Variants in DDX25 observed in about 807,000 individuals in gnomAD.
The protein encoded by DDX25 is ATP-dependent RNA helicase DDX25.
DDX25 carries 70 observed loss-of-function variants against 64.6 expected under a neutral mutation model. The ratio of observed to expected loss-of-function variants is 1.08; its 90% confidence interval spans 0.89 to 1.32. The LOEUF (loss-of-function observed/expected upper bound fraction) is 1.32, where lower values mean the gene tolerates loss of function less well. Among genes scored for constraint, DDX25 ranks in the 40% most tolerant of loss-of-function variants. The pLI, the probability that DDX25 is intolerant of heterozygous loss-of-function variation, is 0.00. For missense variants in DDX25, 587 were observed against 604.4 expected, an observed-to-expected ratio of 0.97 and a Z score of 0.30; for synonymous variants, 211 against 213.3, an observed-to-expected ratio of 0.99 and a Z score of 0.09.
In DDX25 at chr11:125,921,697, T is replaced by C. The variant is rs1312172215; in HGVS notation, c.1390+318T>C. ...TGAGGTCAGGAAATCCAGACCATCC[T>C]GGCCAACATGGTAAAACCCCATCTC... On this transcript the variant is annotated intron_variant, in intron 11 of 11. Transcript: ENST00000263576. This position sits in a 1 kb window ranked among gnomAD's most constrained non-coding sequence, Gnocchi z 4.1. The C allele has an allele frequency of 4.5e-6, 1 of 221,196 alleles. No individual in the cohort carries two copies. Among genetic ancestry groups the C allele is most frequent in the Non-Finnish European group, 9.1e-6 (1 of 109,812 alleles). The allele number at this position is 221,196 out of a possible 1,614,324, so 13.7% of individuals were successfully genotyped here.
chr11:125,906,056 T>A lies in DDX25; in HGVS notation c.176-18T>A, dbSNP rs775249720. The A allele has an allele frequency of 1.3e-6, 2 of 1,526,750 alleles. No homozygotes were observed. Among genetic ancestry groups the A allele is most frequent in the South Asian group, 2.5e-5 (2 of 78,916 alleles). 94.6% of individuals were successfully genotyped at this position (1,526,750 alleles called of 1,614,324 possible). A position where few individuals can be genotyped will look rare whatever the true frequency, so the allele number is the denominator to read the frequency against. On this transcript the variant is annotated intron_variant, in intron 3 of 11. Transcript: ENST00000263576. ...TTCAGGAAGCTTGATGTCCTCTTTTTTATTTTTGCTTTTCTAGTGGATTTG... is the reference window on the plus strand; with the variant it reads ...TTCAGGAAGCTTGATGTCCTCTTTTATATTTTTGCTTTTCTAGTGGATTTG...
chr11:125,907,412 T>G (rs555725232), intron 4 of DDX25, among the ~76,000 whole-genome samples: 10 of 152,136 alleles, frequency 6.6e-5, no homozygotes, highest in African/African-American at 2.2e-4. Flanking sequence ...ATCGAGACCA[T>G]CCTGGCTAAC....
At position 125,921,519 on chromosome 11, in the gene DDX25, G is replaced by A; in HGVS notation, c.1390+140G>A. ...GAGCTGGAAGGCTTCTAATTCACAG[G>A]ACCAGGGTTCTAATATGAGACAGAT... On this transcript the variant is annotated intron_variant, in intron 11 of 11. Coordinates refer to ENST00000263576, the MANE Select transcript of DDX25 (RefSeq NM_013264.5). This position sits in a 1 kb window ranked among gnomAD's most constrained non-coding sequence, Gnocchi z 4.1. 2 of 900,118 alleles carry A rather than the reference G, an allele frequency of 2.2e-6. No individual in the cohort carries two copies. The highest frequency in any genetic ancestry group is 3.3e-6 in the Non-Finnish European group (2 of 612,112). 55.8% of individuals were successfully genotyped at this position (900,118 alleles called of 1,614,324 possible).
chr11:125,908,940 A>C (rs1438000559), intron 6 of DDX25, among the ~76,000 whole-genome samples: 1 of 152,256 alleles, frequency 6.6e-6, no homozygotes, highest in East Asian at 1.9e-4. Context: ...AGTGCCTGGC[A>C]TAAATTAAGC....
At chr11:125,922,027 T>G (rs1297457663) in intron 11 of DDX25, 3 of 152,256 alleles carry the variant, frequency 2.0e-5, no homozygotes, top group Non-Finnish European at 2.9e-5. Context: ...AGTAGTAACA[T>G]CCTTTAAGAT....
At chr11:125,907,618 A>C (rs1296823064) in intron 4 of DDX25, among the ~76,000 whole-genome samples, 3 of 152,042 alleles carry the variant, frequency 2.0e-5, no homozygotes, top group African/African-American at 7.2e-5. Flanking sequence ...AAAAAAAAAA[A>C]AGTTGAAGTG....
rs753704484 is a variant in DDX25, at chr11:125,921,298, C to T, written c.1309C>T (p.Arg437Cys). 1.8e-5 allele frequency: 29 copies of T among 1,613,448 alleles called. No individual in the cohort carries two copies. The highest frequency in any genetic ancestry group is 1.7e-5 in the Non-Finnish European group (20 of 1,179,754). The change falls in exon 11 of 12, where the codon CGC becomes TGC. Residue 437 changes from arginine (R) to cysteine (C), a missense_variant. Coordinates refer to ENST00000263576, the MANE Select transcript of DDX25 (RefSeq NM_013264.5). The surrounding 1 kb of genome is among the most constrained non-coding windows in gnomAD (Gnocchi z 4.1). Reference protein sequence around the residue: ...TYLHRIGRTGRFGKKGLAFNM... With the variant: ...TYLHRIGRTGCFGKKGLAFNM... Reference sequence around the variant, plus strand: ...CCTCCACCGCATAGGGCGGACGGGGCGCTTTGGGAAAAAAGGCCTTGCCTT... The same window carrying T: ...CCTCCACCGCATAGGGCGGACGGGGTGCTTTGGGAAAAAAGGCCTTGCCTT...
At chr11:125,918,884 C>G in intron 10 of DDX25, 94 bp downstream of exon 10, 2 of 1,352,130 alleles carry the variant, frequency 1.5e-6, no homozygotes, top group East Asian at 5.2e-5. Context: ...GACAAACATG[C>G]AATCATGCAG....
At chr11:125,904,852 C>T (rs947473300) in intron 1 of DDX25, 1 of 565,272 alleles carries the variant, frequency 1.8e-6, no homozygotes, top group Non-Finnish European at 3.1e-6. Flanking sequence ...AGCTAGACCC[C>T]GAGTTTTCTA....
chr11:125,909,767 A>C (rs1370239965), intron 6 of DDX25, among the ~76,000 whole-genome samples: 2 of 151,236 alleles, frequency 1.3e-5, no homozygotes, highest in African/African-American at 4.9e-5. Flanking sequence ...CTCCTGCCTC[A>C]GCCTCCCAAG....
intron 6 of DDX25, 138 bp downstream of exon 6, chr11:125,908,641 A>C: frequency 2.2e-6 from 2 of 910,212 alleles, no homozygotes; most frequent in Non-Finnish European, 3.4e-6. Flanking sequence ...AAAATCATAG[A>C]GCATTGGGTA....
At position 125,923,384 on chromosome 11, in the gene DDX25, T is replaced by G. The variant is rs898790908; in HGVS notation, c.*503T>G. 1.3e-5 allele frequency: 2 copies of G among 152,496 alleles called. No homozygotes were observed. Among genetic ancestry groups the G allele is most frequent in the African/African-American group, 2.4e-5 (1 of 41,478 alleles). The allele number at this position is 152,496 out of a possible 1,614,324, so 9.4% of individuals were successfully genotyped here. A position where few individuals can be genotyped will look rare whatever the true frequency, so the allele number is the denominator to read the frequency against. On this transcript the variant is annotated 3_prime_UTR_variant, in exon 12 of 12. Transcript: ENST00000263576. Reference sequence around the variant, plus strand: ...CATGTTCTTAAGTGAAAGTACAGATTAAAACTTTTAAAAAGTGAAACCATT... The same window carrying G: ...CATGTTCTTAAGTGAAAGTACAGATGAAAACTTTTAAAAAGTGAAACCATT...
At chr11:125,922,023 A>T (rs1219507528) in intron 11 of DDX25, 2 of 152,254 alleles carry the variant, frequency 1.3e-5, no homozygotes, top group African/African-American at 4.8e-5. Flanking sequence ...GCAAAGTAGT[A>T]ACATCCTTTA....
At chr11:125,908,578 G>A (rs1944927309) in intron 6 of DDX25, 75 bp downstream of exon 6, 19 of 1,287,970 alleles carry the variant, frequency 1.5e-5, no homozygotes, top group Non-Finnish European at 2.1e-5. Context: ...ATATTCCTGT[G>A]CAATGATATG....
intron 6 of DDX25, among the ~76,000 whole-genome samples, chr11:125,909,731 C>T (rs1029012941): frequency 7.3e-5 from 11 of 151,706 alleles, no homozygotes; most frequent in Admixed American, 3.3e-4. Flanking sequence ...TCACTGCAAC[C>T]TTTGCCCCCC....
Position 125,921,622 on chromosome 11 carries a change from A to G in DDX25, c.1390+243A>G, listed in dbSNP as rs1297177221. 7 of 409,942 alleles carry G rather than the reference A, an allele frequency of 1.7e-5. No homozygotes were observed. The highest frequency in any genetic ancestry group is 9.9e-5 in the African/African-American group (5 of 50,450). 25.4% of individuals were successfully genotyped at this position (409,942 alleles called of 1,614,324 possible). On this transcript the variant is annotated intron_variant, in intron 11 of 11. Transcript: ENST00000263576. The surrounding 1 kb of genome is among the most constrained non-coding windows in gnomAD (Gnocchi z 4.1). ...AATATGAGCTCAGGCCGGGTGTGGC[A>G]GCTCACACCTGTAATCCCAGCACTT...
chr11:125,919,637 A>G (rs1294824763), intron 10 of DDX25, among the ~76,000 whole-genome samples: 2 of 116,536 alleles, frequency 1.7e-5, no homozygotes, highest in African/African-American at 3.1e-5. Context: ...TACTCATACC[A>G]CATTTCCTAG....
chr11:125,907,380 G>T (rs540216235), intron 4 of DDX25, among the ~76,000 whole-genome samples: 1 of 152,230 alleles, frequency 6.6e-6, no homozygotes, highest in East Asian at 1.9e-4. Context: ...AGGCCAAGGG[G>T]GGCGGATCAC....
intron 3 of DDX25, 126 bp from the exon 4 acceptor site, chr11:125,905,948 C>G (rs903076230): frequency 2.5e-6 from 3 of 1,221,620 alleles, no homozygotes; most frequent in African/African-American, 1.5e-5. Context: ...TTTCTGGAAC[C>G]CTCTTTTAGA....
Sources: gnomAD v4.1 joint callset for allele counts (sites outside exome capture counted in the v4.1 genomes callset) on GRCh38, gnomAD v4.1.1 for gene constraint, Gnocchi (gnomAD v3.1) non-coding constraint, MANE v1.5 for transcripts, NCBI Gene and HGNC (gene_info 2026-07-23, HGNC 2026-07-21) for gene names.